SCAF8: variants seen among roughly 807,000 people sequenced by gnomAD.
SCAF8 encodes the protein SR-related and CTD-associated factor 8.
In SCAF8, 23 loss-of-function variants were observed where a neutral mutation model predicts 140.5. That is an observed-to-expected ratio of 0.16 (90% CI 0.12 to 0.23). The LOEUF (loss-of-function observed/expected upper bound fraction) is 0.23, where lower values mean the gene tolerates loss of function less well. Ranked by LOEUF, SCAF8 falls within the 10% of genes least tolerant of loss-of-function variation. The pLI is 1.00. For synonymous variants in SCAF8, 575 were observed against 528.9 expected (o/e 1.09, Z -1.20); for missense variants, 1,397 against 1,555.7 (o/e 0.90, Z 1.72).
chr6:154,790,867 C>T (rs1777401342), intron 4 of SCAF8, among the ~76,000 whole-genome samples: 1 of 151,986 alleles, frequency 6.6e-6, no homozygotes, highest in African/African-American at 2.4e-5. Flanking sequence ...GAATAAGTGG[C>T]ATCACGATAG....
At chr6:154,764,134 G>A (rs761785552) in intron 1 of SCAF8, among the ~76,000 whole-genome samples, 1 of 152,224 alleles carries the variant, frequency 6.6e-6, no homozygotes, top group Non-Finnish European at 1.5e-5. Context: ...TGCATTTGCT[G>A]TGGTGCCTAC....
rs57095332 is a variant in SCAF8 at position 154,790,489 on chromosome 6, A to ATTTTT, written c.322-2299_322-2295dup. Among the ~76,000 whole-genome samples, 113 of 70,880 alleles carry ATTTTT rather than the reference A, an allele frequency of 1.6e-3. 14 individuals are homozygous for ATTTTT. Among genetic ancestry groups the ATTTTT allele is most frequent in the Non-Finnish European group, 2.3e-3 (86 of 37,998 alleles). 46.5% of individuals were successfully genotyped at this position (70,880 alleles called of 152,430 possible). A position where few individuals can be genotyped will look rare whatever the true frequency, so the allele number is the denominator to read the frequency against. ...TTGTAAAACATATACATTTAACAGA[A>ATTTTT]TTTTTTTTTTTTTTTTTTTTTTTTT... is the stretch of plus-strand genomic sequence containing the variant. On this transcript the variant is annotated intron_variant, in intron 4 of 19. Coordinates refer to ENST00000367178, the MANE Select transcript of SCAF8 (RefSeq NM_014892.5).
intron 3 of SCAF8, among the ~76,000 whole-genome samples, chr6:154,782,636 A>AT (rs1440800714): frequency 6.6e-6 from 1 of 152,184 alleles, no homozygotes; most frequent in Non-Finnish European, 1.5e-5. Context: ...AAATATTAAC[A>AT]TAAGTATTAA....
rs1278340677 is a variant in SCAF8 at position 154,744,432 on chromosome 6, ATATGT to A, written c.30+10503_30+10507del. On this transcript the variant is annotated intron_variant, in intron 1 of 19. Coordinates refer to ENST00000367178, the MANE Select transcript of SCAF8 (RefSeq NM_014892.5). ...TTAGAAAAAAGTGAACCACTTTATA[ATATGT>A]AGTGTTTTATACTCTGCCCTCTTTT... Among the ~76,000 whole-genome samples, 5 of 152,354 alleles carry A rather than the reference ATATGT, an allele frequency of 3.3e-5. No homozygotes were observed. The East Asian group carries it at 9.6e-4, about 29-fold the overall frequency.
At chr6:154,795,770 C>T (rs1466475688) in intron 6 of SCAF8, among the ~76,000 whole-genome samples, 1 of 152,180 alleles carries the variant, frequency 6.6e-6, no homozygotes, top group African/African-American at 2.4e-5. Context: ...AATCACAAAA[C>T]ATGTACGAAT....
intron 5 of SCAF8, among the ~76,000 whole-genome samples, chr6:154,793,402 TA>T (rs1210208540): frequency 1.3e-5 from 2 of 152,058 alleles, no homozygotes; most frequent in East Asian, 1.9e-4. Flanking sequence ...ATGACTATGA[TA>T]AAAAATTTTT....
chr6:154,802,135 C>G lies in SCAF8; in HGVS notation c.771C>G (p.Val257=). 6.3e-7 allele frequency: 1 copy of G among 1,585,648 alleles called. No homozygotes were observed. The highest frequency in any genetic ancestry group is 8.6e-7 in the Non-Finnish European group (1 of 1,167,510). The change falls in exon 7 of 20, where the codon GTC becomes GTG. Residue 257 remains valine (V), a synonymous_variant. Transcript: ENST00000367178. ...CTCTTACTCCCTTAGAACAGGGAGTCTCCTTTAACAAGGTAGAAATTAAAA... is the reference window on the plus strand; with the variant it reads ...CTCTTACTCCCTTAGAACAGGGAGTGTCCTTTAACAAGGTAGAAATTAAAA... The part of the protein sequence containing the change: ...ANTLTPLEQG[V]SFNKKLMDRF...
At chr6:154,807,284 A>G (rs1777948832) in intron 9 of SCAF8, among the ~76,000 whole-genome samples, 1 of 152,226 alleles carries the variant, frequency 6.6e-6, no homozygotes, top group South Asian at 2.1e-4. Context: ...ATCAGTTCCA[A>G]AATTTCACAG....
chr6:154,820,326 A>C lies in SCAF8; in HGVS notation c.1785A>C (p.Val595=). The C allele has an allele frequency of 6.2e-7, 1 of 1,603,592 alleles. No individual in the cohort carries two copies. ...GAGGCATGATTGATCAGGAGACTGT[A>C]AATACTGGTAAGAATTCTAAGGTCT... ...AEGGMIDQET[V]NTEWETVKSS... is the part of the protein sequence containing the mutation. Residue 595 remains valine, a synonymous_variant, in exon 15 of 20, where the codon GTA becomes GTC. Coordinates refer to ENST00000367178, the MANE Select transcript of SCAF8 (RefSeq NM_014892.5).
At chr6:154,791,381 A>G (rs995144341) in intron 4 of SCAF8, among the ~76,000 whole-genome samples, 6 of 152,222 alleles carry the variant, frequency 3.9e-5, no homozygotes, top group Admixed American at 1.3e-4. Flanking sequence ...GAATTTCCCA[A>G]CTAAATAGAT....
intron 1 of SCAF8, among the ~76,000 whole-genome samples, chr6:154,754,099 A>G (rs1401021179): frequency 6.6e-6 from 1 of 152,254 alleles, no homozygotes; most frequent in African/African-American, 2.4e-5. Flanking sequence ...TACTGCTTGA[A>G]TTAAATCACT....
chr6:154,778,779 G>T (rs1452601311), intron 3 of SCAF8, among the ~76,000 whole-genome samples: 1 of 149,438 alleles, frequency 6.7e-6, no homozygotes, highest in Non-Finnish European at 1.5e-5. Context: ...ATGTGTGTGT[G>T]TGTGTGTGTG....
At chr6:154,734,601 G>C (rs1778360824) in intron 1 of SCAF8, among the ~76,000 whole-genome samples, 2 of 152,228 alleles carry the variant, frequency 1.3e-5, no homozygotes, top group African/African-American at 4.8e-5. Context: ...AGAGATGGAA[G>C]ATTATGGGGG....
intron 18 of SCAF8, among the ~76,000 whole-genome samples, chr6:154,827,823 T>C (rs1484689118): frequency 2.2e-5 from 2 of 91,218 alleles, no homozygotes; most frequent in Non-Finnish European, 5.2e-5. Flanking sequence ...CACACCTTTT[T>C]TGGGGCGGGG....
chr6:154,782,212 C>T (rs1433462104), intron 3 of SCAF8, among the ~76,000 whole-genome samples: 1 of 152,108 alleles, frequency 6.6e-6, no homozygotes, highest in Non-Finnish European at 1.5e-5. Context: ...TTGAGACCAG[C>T]CTGGGCAAAC....
Position 154,792,809 on chromosome 6 carries a change from C to CT in SCAF8, c.322-7dup. On this transcript the variant is annotated splice_polypyrimidine_tract_variant and intron_variant, in intron 4 of 19. Coordinates refer to ENST00000367178, the MANE Select transcript of SCAF8 (RefSeq NM_014892.5). ...GAGTAAAAACCAAAATGTCATGTTT[C>CT]TTTTTTTCTCTAGAGTAAAATAGTG... is the stretch of plus-strand genomic sequence containing the variant. 6 of 1,563,290 alleles carry CT rather than the reference C, an allele frequency of 3.8e-6. No individual in the cohort carries two copies. Among genetic ancestry groups the CT allele is most frequent in the East Asian group, 2.4e-5 (1 of 42,456 alleles).
In SCAF8 at chr6:154,833,123, A is replaced by G; in HGVS notation, c.3544A>G (p.Arg1182Gly). 6.2e-7 allele frequency: 1 copy of G among 1,614,162 alleles called. No homozygotes were observed. The highest frequency in any genetic ancestry group is 8.5e-7 in the Non-Finnish European group (1 of 1,180,020). The change falls in exon 20 of 20, where the codon AGA becomes GGA. Residue 1182 changes from arginine to glycine, a missense_variant. Around this residue, in one of 5 missense-constraint regions of SCAF8, gnomAD observed 930 missense variants for 874.6 expected, o/e 1.06. Transcript: ENST00000367178. ...EMNGNRLGRD[R>G]IQNTWVPPPH... The stretch of plus-strand genomic sequence containing the variant: ...GAATGGAAATCGTCTTGGACGAGAC[A>G]GAATTCAAAACACTTGGGTTCCCCC...
In SCAF8 at chr6:154,827,218, G is replaced by T. The variant is rs763152798; in HGVS notation, c.2118G>T (p.Thr706=). The change falls in exon 18 of 20, where the codon ACG becomes ACT. Residue 706 remains threonine, a synonymous_variant. Coordinates refer to ENST00000367178, the MANE Select transcript of SCAF8 (RefSeq NM_014892.5). The part of the protein sequence containing the change: ...PVPPPVVPPP[T]IPPVVPTSLV... ...CCCCACCTGTTGTGCCACCCCCTAC[G>T]ATTCCACCAGTAGTACCAACATGTA... The T allele has an allele frequency of 6.2e-7, 1 of 1,603,310 alleles. No individual in the cohort carries two copies. Among genetic ancestry groups the T allele is most frequent in the Non-Finnish European group, 8.5e-7 (1 of 1,175,566 alleles).
At chr6:154,752,113 T>C (rs960150325) in intron 1 of SCAF8, among the ~76,000 whole-genome samples, 1 of 152,120 alleles carries the variant, frequency 6.6e-6, no homozygotes, top group Admixed American at 6.5e-5. Context: ...GACTACTACA[T>C]TTAGATTTTT....
Sources: gnomAD v4.1 joint callset for allele counts (sites outside exome capture counted in the v4.1 genomes callset) on GRCh38, gnomAD v4.1.1 for gene constraint, gnomAD v4.1.1 regional missense constraint, MANE v1.5 for transcripts, NCBI Gene and HGNC (gene_info 2026-07-23, HGNC 2026-07-21) for gene names.